Variants in RHBDD1 observed in about 807,000 individuals in gnomAD.
RHBDD1 encodes the protein rhomboid domain containing 1, also known as rhomboid-related protein 4.
In RHBDD1, 38 loss-of-function variants were observed where a neutral mutation model predicts 36.3. That is an observed-to-expected ratio of 1.05 (90% confidence interval 0.81 to 1.37). RHBDD1 has a LOEUF of 1.37. Among genes scored for constraint, RHBDD1 ranks in the 40% most tolerant of loss-of-function variants. The pLI is 0.00. For missense variants in RHBDD1, 393 were observed against 377.6 expected, an observed-to-expected ratio of 1.04 and a Z score of -0.34; for synonymous variants, 151 against 136.5, an observed-to-expected ratio of 1.11 and a Z score of -0.74.
At chr2:226,889,962 T>C (rs952823193) in intron 5 of RHBDD1, among the ~76,000 whole-genome samples, 4 of 152,148 alleles carry the variant, frequency 2.6e-5, no homozygotes, top group African/African-American at 7.2e-5. Flanking sequence ...CATGGACTTG[T>C]TGGGAAAATT....
Position 226,908,879 on chromosome 2 carries a change from G to C in RHBDD1, c.712+1G>C. 1 of 1,566,626 alleles carries C rather than the reference G, an allele frequency of 6.4e-7. No individual in the cohort carries two copies. Among genetic ancestry groups the C allele is most frequent in the Non-Finnish European group, 8.8e-7 (1 of 1,137,758 alleles). ...CGGCAATACTACTTTAATAGTTCAG[G>C]TAGGCACTGTATTTCATTTAATAAA... On this transcript the variant is annotated splice_donor_variant, in intron 7 of 8. Transcript: ENST00000392062. LOFTEE classifies it high-confidence loss of function.
In RHBDD1 at chr2:226,994,198, G is replaced by T. The variant is rs186008440; in HGVS notation, c.857-1233G>T. Among the ~76,000 whole-genome samples, 839 of 152,294 alleles carry T rather than the reference G, an allele frequency of 5.5e-3. 10 individuals are homozygous for T. Among genetic ancestry groups the T allele is most frequent in the African/African-American group, 0.019 (809 of 41,544 alleles). ...GCATTGGAAGTCATAAGCAGGTGCTGTTGAGTCAAGTCCATATATTTATTG... is the reference window on the plus strand; with the variant it reads ...GCATTGGAAGTCATAAGCAGGTGCTTTTGAGTCAAGTCCATATATTTATTG... On this transcript the variant is annotated intron_variant, in intron 8 of 8. Transcript: ENST00000392062.
intron 8 of RHBDD1, among the ~76,000 whole-genome samples, chr2:226,977,101 G>T (rs1350263090): frequency 6.6e-6 from 1 of 152,134 alleles, no homozygotes; most frequent in African/African-American, 2.4e-5. Flanking sequence ...CATGGAAAAA[G>T]GGATCTTTTT....
rs560661437 is a variant in RHBDD1, at chr2:226,924,564, G to A, written c.856+10213G>A. ...TGTCCCCCAGGTCCACTGGCTCTGA[G>A]CCCAGCACAGCACCAGAGCTTACCC... On this transcript the variant is annotated intron_variant, in intron 8 of 8. Coordinates refer to ENST00000392062, the MANE Select transcript of RHBDD1 (RefSeq NM_001167608.3). Among the ~76,000 whole-genome samples the A allele has an allele frequency of 1.8e-4, 27 of 152,266 alleles. No individual in the cohort carries two copies. The East Asian group carries it at 4.6e-3, about 26-fold the overall frequency.
At chr2:226,910,172 C>T (rs4675120) in intron 7 of RHBDD1, among the ~76,000 whole-genome samples, 66,472 of 152,064 alleles carry the variant, frequency 0.44, 14,701 homozygotes, top group South Asian at 0.5. Flanking sequence ...CTCTTTTGCA[C>T]TCGATTTATT....
chr2:226,969,219 G>A (rs1250721618), intron 8 of RHBDD1: 1 of 152,120 alleles, frequency 6.6e-6, no homozygotes, highest in African/African-American at 2.4e-5. Context: ...GTAACAGAGA[G>A]CCTGATTGTT....
At chr2:226,826,329 T>C in the RHBDD1 span, among the ~76,000 whole-genome samples, 2 of 152,216 alleles carry the variant, frequency 1.3e-5, no homozygotes, top group Non-Finnish European at 2.9e-5. Flanking sequence ...ATTTCAGCTC[T>C]TCTCAGTTCC....
Position 226,865,009 on chromosome 2 carries a change from T to A in RHBDD1, c.316T>A (p.Tyr106Asn). 3.1e-6 allele frequency: 5 copies of A among 1,614,220 alleles called. No individual in the cohort carries two copies. Among genetic ancestry groups the A allele is most frequent in the Non-Finnish European group, 4.2e-6 (5 of 1,180,016 alleles). Residue 106 changes from tyrosine to asparagine, a missense_variant, in exon 4 of 9, where the codon TAT (tyrosine) becomes AAT (asparagine). By Grantham distance (143) the Tyr-to-Asn change is moderately radical. Coordinates refer to ENST00000392062, the MANE Select transcript of RHBDD1 (RefSeq NM_001167608.3). ...ERRLGSRWFA[Y>N]VITAFSVLTG... is the part of the protein sequence containing the mutation. ...AAGACTGGGAAGTAGATGGTTTGCC[T>A]ATGTTATCACCGCATTTTCTGTACT... is the stretch of plus-strand genomic sequence containing the variant.
intron 8 of RHBDD1, among the ~76,000 whole-genome samples, chr2:226,933,909 A>G (rs961766987): frequency 1.3e-5 from 2 of 152,156 alleles, no homozygotes; most frequent in East Asian, 3.9e-4. Context: ...ATCATGAAAT[A>G]GATAGAAACT....
At chr2:226,839,708 A>G (rs1941398263) in intron 3 of RHBDD1, 81 bp downstream of exon 3, 1 of 151,220 alleles carries the variant, frequency 6.6e-6, no homozygotes, top group South Asian at 2.1e-4. Flanking sequence ...CTTCTCATGC[A>G]GAGGAGTGAG....
chr2:226,860,726 C>T (rs918603601), intron 3 of RHBDD1, among the ~76,000 whole-genome samples: 2 of 152,136 alleles, frequency 1.3e-5, no homozygotes, highest in Admixed American at 6.5e-5. Context: ...AGACTCAAAA[C>T]GTATGTTCTA....
rs572565946 is a variant in RHBDD1, at chr2:226,886,152, C to A, written c.566+18834C>A. Among the ~76,000 whole-genome samples the A allele has an allele frequency of 2.6e-5, 4 of 152,322 alleles. No individual in the cohort carries two copies. The South Asian group carries it at 8.3e-4, about 32-fold the overall frequency. ...GGACTACCATAGCACCCTATTTTTA[C>A]AACCCTTAACTTATTTGTCTCTTCC... On this transcript the variant is annotated intron_variant, in intron 5 of 8. Transcript: ENST00000392062.
At chr2:226,849,893 A>G (rs1408354977) in intron 3 of RHBDD1, among the ~76,000 whole-genome samples, 1 of 152,044 alleles carries the variant, frequency 6.6e-6, no homozygotes, top group Non-Finnish European at 1.5e-5. Flanking sequence ...CTCTCTCTAC[A>G]TATATATGTG....
intron 8 of RHBDD1, among the ~76,000 whole-genome samples, chr2:226,947,921 G>A (rs2149199187): frequency 6.6e-6 from 1 of 152,264 alleles, no homozygotes; most frequent in African/African-American, 2.4e-5. Flanking sequence ...GAAACAACAG[G>A]TGCTGGAGAG....
chr2:226,920,439 G>A (rs905571724), intron 8 of RHBDD1, among the ~76,000 whole-genome samples: 1 of 152,114 alleles, frequency 6.6e-6, no homozygotes, highest in Non-Finnish European at 1.5e-5. Flanking sequence ...TAACAGTGGT[G>A]AAAGTGTGCA....
chr2:226,806,300 T>C, the RHBDD1 span, among the ~76,000 whole-genome samples: 1 of 152,204 alleles, frequency 6.6e-6, no homozygotes, highest in African/African-American at 2.4e-5. Flanking sequence ...CATATCAGAA[T>C]CACCTGTGGA....
At chr2:226,969,993 C>CA (rs1039858555) in intron 8 of RHBDD1, among the ~76,000 whole-genome samples, 3 of 116,152 alleles carry the variant, frequency 2.6e-5, no homozygotes, top group African/African-American at 6.4e-5. Flanking sequence ...CAACTGTCCC[C>CA]CCCCCCTTAA....
chr2:226,929,432 A>G (rs1949871480), intron 8 of RHBDD1, among the ~76,000 whole-genome samples: 1 of 152,062 alleles, frequency 6.6e-6, no homozygotes, highest in African/African-American at 2.4e-5. Flanking sequence ...CATAAAAAGC[A>G]TTTGCTAAAG....
rs5839183 is a variant in RHBDD1, at chr2:226,935,634, A to AT, written c.856+21295dup. Among the ~76,000 whole-genome samples, 138 of 149,270 alleles carry AT rather than the reference A, an allele frequency of 9.2e-4. 1 individual carries two copies. The highest frequency in any genetic ancestry group is 2.3e-3 in the Admixed American group (34 of 14,980). On this transcript the variant is annotated intron_variant, in intron 8 of 8. Transcript: ENST00000392062. The stretch of plus-strand genomic sequence containing the variant: ...CTGAATCTGATCAGATCTCAGTTTT[A>AT]TTTTTTTTTTTTATAATGAAGGAAT...
Sources: gnomAD v4.1 joint callset for allele counts (sites outside exome capture counted in the v4.1 genomes callset) on GRCh38, gnomAD v4.1.1 for gene constraint, MANE v1.5 for transcripts, NCBI Gene and HGNC (gene_info 2026-07-23, HGNC 2026-07-21) for gene names.